Variants in ZNF510 observed in about 807,000 individuals in gnomAD.
The protein encoded by ZNF510 is zinc finger protein 510.
A neutral mutation model predicts 18.1 loss-of-function variants in ZNF510; 15 were observed. The ratio of observed to expected loss-of-function variants is 0.83; its 90% CI spans 0.55 to 1.28. The LOEUF is 1.28. Ranked by LOEUF, ZNF510 falls within the 50% of genes most tolerant of loss-of-function variation. The pLI is 0.00. For synonymous variants in ZNF510, 261 were observed against 266.4 expected, an observed-to-expected ratio of 0.98 and a Z score of 0.20; for missense variants, 724 against 791.8, an observed-to-expected ratio of 0.91 and a Z score of 1.03.
rs1448021609 is a variant in ZNF510 at position 96,756,645 on chromosome 9, C to G, written c.*2133G>C. On this transcript the variant is annotated 3_prime_UTR_variant, in exon 6 of 6. Coordinates refer to ENST00000223428, the MANE Select transcript of ZNF510 (RefSeq NM_014930.3). Reference sequence around the variant, plus strand: ...CTAAAGTGGAATTTTAGGTCAGAACCCTCTACCCAAGGAAGAGATATCCAA... The same window carrying G: ...CTAAAGTGGAATTTTAGGTCAGAACGCTCTACCCAAGGAAGAGATATCCAA... 1 of 152,104 alleles carries G rather than the reference C, an allele frequency of 6.6e-6. No individual in the cohort carries two copies. The highest frequency in any genetic ancestry group is 1.5e-5 in the Non-Finnish European group (1 of 68,022). 9.4% of individuals were successfully genotyped at this position (152,104 alleles called of 1,614,324 possible).
chr9:96,777,007 A>G lies in ZNF510; in HGVS notation c.-176-762T>C, dbSNP rs143427390. ...ATTTTGGATACACTGAGAAAACCAC[A>G]GTATGTTCTTAAAATTAATTTCATG... On this transcript the variant is annotated intron_variant, in intron 1 of 5. Coordinates refer to ENST00000223428, the MANE Select transcript of ZNF510 (RefSeq NM_014930.3). Among the ~76,000 whole-genome samples the G allele has an allele frequency of 7.2e-5, 11 of 152,310 alleles. 1 individual carries two copies. In the East Asian group the frequency reaches 1.9e-3, roughly 27 times the overall value.
At chr9:96,768,575 AAAG>A (rs1249541245) in intron 3 of ZNF510, among the ~76,000 whole-genome samples, 3 of 152,134 alleles carry the variant, frequency 2.0e-5, no homozygotes, top group Admixed American at 6.5e-5. Flanking sequence ...GAATAATAAA[AAAG>A]AAAACAATTC....
rs748426472 is a variant in ZNF510 at position 96,759,728 on chromosome 9, C to A, written c.1102G>T (p.Asp368Tyr). The A allele has an allele frequency of 6.2e-7, 1 of 1,613,994 alleles. No homozygotes were observed. The highest frequency in any genetic ancestry group is 1.7e-5 in the Admixed American group (1 of 60,024). Residue 368 changes from aspartate to tyrosine, a missense_variant, in exon 6 of 6, where the codon GAC (aspartate) becomes TAC (tyrosine). Physicochemically the swap from Asp to Tyr is radical, Grantham distance 160 (BLOSUM62 -3). Coordinates refer to ENST00000223428, the MANE Select transcript of ZNF510 (RefSeq NM_014930.3). ...VIEENPLVSNDRTQTWVKSSE... is the reference protein window; with the variant it reads ...VIEENPLVSNYRTQTWVKSSE... ...GATTTAACCCAAGTCTGTGTTCTGT[C>A]ATTACTTACCAATGGGTTCTCTTCT... is the stretch of plus-strand genomic sequence containing the variant.
intron 2 of ZNF510, among the ~76,000 whole-genome samples, chr9:96,775,055 G>T (rs972129555): frequency 7.0e-6 from 1 of 141,984 alleles, no homozygotes; most frequent in Non-Finnish European, 1.5e-5. Flanking sequence ...CTGTGTGTGT[G>T]TGTTTTTTTG....
chr9:96,762,761 T>C (rs1436180882), intron 5 of ZNF510, among the ~76,000 whole-genome samples: 1 of 152,226 alleles, frequency 6.6e-6, no homozygotes, highest in Non-Finnish European at 1.5e-5. Context: ...TGGGCATACA[T>C]ATTAAAAAGT....
Position 96,757,144 on chromosome 9 carries a change from A to G in ZNF510, c.*1634T>C, listed in dbSNP as rs2117889966. 6.6e-6 allele frequency: 1 copy of G among 152,336 alleles called. No individual in the cohort carries two copies. 9.4% of individuals were successfully genotyped at this position (152,336 alleles called of 1,614,324 possible). On this transcript the variant is annotated 3_prime_UTR_variant, in exon 6 of 6. Coordinates refer to ENST00000223428, the MANE Select transcript of ZNF510 (RefSeq NM_014930.3). ...GTTGCCTTGGGCATGGATTCAATAA[A>G]GCCATATAAATCTGAGTCCCTCCCC... is the stretch of plus-strand genomic sequence containing the variant.
chr9:96,776,080 G>A lies in ZNF510; in HGVS notation c.-11C>T, dbSNP rs767846791. The A allele has an allele frequency of 2.5e-5, 40 of 1,594,978 alleles. 1 individual carries two copies. The East Asian group carries it at 3.4e-4, about 13-fold the overall frequency. The stretch of plus-strand genomic sequence containing the variant: ...TGGATGTGGCGACATCACCAAGTCT[G>A]GTGCTCTCTGGGCAAGGGGATGAAG... On this transcript the variant is annotated 5_prime_UTR_variant, in exon 2 of 6. Coordinates refer to ENST00000223428, the MANE Select transcript of ZNF510 (RefSeq NM_014930.3).
At position 96,759,550 on chromosome 9, in the gene ZNF510, G is replaced by C; in HGVS notation, c.1280C>G (p.Thr427Arg). 1 of 1,614,108 alleles carries C rather than the reference G, an allele frequency of 6.2e-7. No homozygotes were observed. The change falls in exon 6 of 6, where the codon ACA becomes AGA. Residue 427 changes from threonine to arginine, a missense_variant. Thr to Arg is a moderately conservative substitution (Grantham distance 71, BLOSUM62 -1). Transcript: ENST00000223428. ...GHLIQHQRTH[T>R]GEKPFECSEC... ...ACTACATTCAAATGGTTTCTCTCCTGTGTGAGTTCTCTGATGTTGAATGAG... is the reference window on the plus strand; with the variant it reads ...ACTACATTCAAATGGTTTCTCTCCTCTGTGAGTTCTCTGATGTTGAATGAG...
At position 96,766,255 on chromosome 9, in the gene ZNF510, A is replaced by C. The variant is rs1241677681; in HGVS notation, c.130-2623T>G. On this transcript the variant is annotated intron_variant, in intron 3 of 5. Transcript: ENST00000223428. The stretch of plus-strand genomic sequence containing the variant: ...TGTAACTCTCCCAGTAACTCATAGA[A>C]AAGCAGATTAAGAAAAACCAACAGG... Among the ~76,000 whole-genome samples, 2 of 135,880 alleles carry C rather than the reference A, an allele frequency of 1.5e-5. 1 individual carries two copies. The highest frequency in any genetic ancestry group is 3.9e-4 in the East Asian group (2 of 5,194). 89.1% of individuals were successfully genotyped at this position (135,880 alleles called of 152,430 possible). A position where few individuals can be genotyped will look rare whatever the true frequency, so the allele number is the denominator to read the frequency against.
At chr9:96,761,279 T>C (rs537239441) in intron 5 of ZNF510, among the ~76,000 whole-genome samples, 52 of 152,282 alleles carry the variant, frequency 3.4e-4, no homozygotes, top group Admixed American at 8.5e-4. Flanking sequence ...AGGGGTACAA[T>C]TTTAAATAGG....
chr9:96,770,427 TAA>T (rs57872154), intron 3 of ZNF510, among the ~76,000 whole-genome samples: 74 of 128,708 alleles, frequency 5.7e-4, no homozygotes, highest in African/African-American at 1.5e-3. Flanking sequence ...CTGTGTCTAC[TAA>T]AAAAAAAAAA....
rs1849179631 is a variant in ZNF510, at chr9:96,755,729, C to A, written c.*3049G>T. ...TAATCAGTCATATGCACTATCTTTA[C>A]AAATGACAATTTAGTATATATTTAA... On this transcript the variant is annotated 3_prime_UTR_variant, in exon 6 of 6. Coordinates refer to ENST00000223428, the MANE Select transcript of ZNF510 (RefSeq NM_014930.3). The A allele has an allele frequency of 6.6e-6, 1 of 152,118 alleles. No individual in the cohort carries two copies. The highest frequency in any genetic ancestry group is 2.4e-5 in the African/African-American group (1 of 41,398). The allele number at this position is 152,118 out of a possible 1,614,324, so 9.4% of individuals were successfully genotyped here. A position where few individuals can be genotyped will look rare whatever the true frequency, so the allele number is the denominator to read the frequency against.
chr9:96,773,581 T>C (rs116013093), intron 3 of ZNF510, among the ~76,000 whole-genome samples: 3,575 of 138,932 alleles, frequency 0.026, 129 homozygotes, highest in African/African-American at 0.09. Context: ...TTGACATCTG[T>C]TTTTTTTTTT....
chr9:96,759,737 C>A lies in ZNF510; in HGVS notation c.1093G>T (p.Val365Leu). 1 of 1,614,010 alleles carries A rather than the reference C, an allele frequency of 6.2e-7. No homozygotes were observed. Among genetic ancestry groups the A allele is most frequent in the Non-Finnish European group, 8.5e-7 (1 of 1,179,968 alleles). ...CAAGTCTGTGTTCTGTCATTACTTACCAATGGGTTCTCTTCTATGACAGCT... is the reference window on the plus strand; with the variant it reads ...CAAGTCTGTGTTCTGTCATTACTTAACAATGGGTTCTCTTCTATGACAGCT... ...QTAVIEENPL[V>L]SNDRTQTWVK... The change falls in exon 6 of 6, where the codon GTA becomes TTA. Residue 365 changes from valine to leucine, a missense_variant. Coordinates refer to ENST00000223428, the MANE Select transcript of ZNF510 (RefSeq NM_014930.3).
At chr9:96,772,663 T>A (rs1386584907) in intron 3 of ZNF510, among the ~76,000 whole-genome samples, 2 of 151,998 alleles carry the variant, frequency 1.3e-5, no homozygotes, top group African/African-American at 4.8e-5. Flanking sequence ...GAAAAGCAAA[T>A]TATAAATTTT....
intron 3 of ZNF510, among the ~76,000 whole-genome samples, chr9:96,773,800 T>TC (rs1849633350): frequency 6.6e-6 from 1 of 152,174 alleles, no homozygotes; most frequent in Non-Finnish European, 1.5e-5. Context: ...GGTCTCGAAC[T>TC]CCTGACTTCA....
rs1293914807 is a variant in ZNF510 at position 96,759,230 on chromosome 9, G to A, written c.1600C>T (p.His534Tyr). 3 of 1,613,854 alleles carry A rather than the reference G, an allele frequency of 1.9e-6. No individual in the cohort carries two copies. The highest frequency in any genetic ancestry group is 8.5e-7 in the Non-Finnish European group (1 of 1,179,976). ...TFGQKSNLRI[H>Y]QRTHTGEKTY... ...TTCTCCCCAGTGTGAGTTCTCTGAT[G>A]TATTCTGAGGTTTGACTTCTGGCCA... is the stretch of plus-strand genomic sequence containing the variant. The change falls in exon 6 of 6, where the codon CAT (histidine) becomes TAT (tyrosine). Residue 534 changes from histidine to tyrosine, a missense_variant. His to Tyr is a moderately conservative substitution (Grantham distance 83). Transcript: ENST00000223428.
intron 3 of ZNF510, among the ~76,000 whole-genome samples, chr9:96,773,455 T>C (rs1291105297): frequency 1.3e-5 from 2 of 152,186 alleles, no homozygotes; most frequent in African/African-American, 2.4e-5. Flanking sequence ...CTCAATTCCT[T>C]ACAGGAAAAG....
chr9:96,767,389 T>G (rs1015242471), intron 3 of ZNF510, among the ~76,000 whole-genome samples: 1 of 151,892 alleles, frequency 6.6e-6, no homozygotes, highest in Non-Finnish European at 1.5e-5. Context: ...GAAAATACAT[T>G]GAGATTACTC....
Sources: allele counts gnomAD v4.1 joint callset (sites outside exome capture counted in the v4.1 genomes callset), GRCh38; gene constraint gnomAD v4.1.1; transcripts MANE v1.5; gene names NCBI Gene and HGNC (gene_info 2026-07-23, HGNC 2026-07-21).